The following DNAAF11 variants were observed in gnomAD, a reference collection of about 807,000 sequenced individuals.
The protein encoded by DNAAF11 is leucine rich repeat containing 6.
A neutral mutation model predicts 60.8 loss-of-function variants in DNAAF11; 45 were observed. The observed-to-expected ratio is 0.74, with a 90% CI of 0.58 to 0.95. DNAAF11 has a LOEUF of 0.95. Ranked by LOEUF, DNAAF11 falls within the 40% of genes least tolerant of loss-of-function variation. DNAAF11 has a pLI of 0.00. For synonymous variants in DNAAF11, 191 were observed against 183.5 expected, an observed-to-expected ratio of 1.04 and a Z score of -0.33; for missense variants, 546 against 546.2, an observed-to-expected ratio of 1.00 and a Z score of 0.00.
intron 10 of DNAAF11, among the ~76,000 whole-genome samples, chr8:132,603,862 G>A (rs957511104): frequency 2.0e-5 from 3 of 152,100 alleles, no homozygotes; most frequent in African/African-American, 7.2e-5. Context: ...CAAAGGCGGG[G>A]GCGGAGTGGG....
intron 11 of DNAAF11, among the ~76,000 whole-genome samples, chr8:132,573,261 A>T (rs1250551493): frequency 6.6e-6 from 1 of 152,188 alleles, no homozygotes; most frequent in Non-Finnish European, 1.5e-5. Flanking sequence ...TAATCAGTCA[A>T]ATTGTTTTGG....
chr8:132,692,918 G>A, the DNAAF11 span, among the ~76,000 whole-genome samples: 1 of 152,088 alleles, frequency 6.6e-6, no homozygotes, highest in African/African-American at 2.4e-5. Flanking sequence ...TTATAGCTCA[G>A]AACCAAAAAA....
intron 5 of DNAAF11, among the ~76,000 whole-genome samples, chr8:132,629,731 G>A (rs999282115): frequency 4.0e-5 from 6 of 151,890 alleles, no homozygotes; most frequent in Non-Finnish European, 8.8e-5. Context: ...AGAAGGAGAG[G>A]GACAGGAAAA....
Position 132,572,016 on chromosome 8 carries a change from G to A in DNAAF11, c.*290C>T, listed in dbSNP as rs1814241139. On this transcript the variant is annotated 3_prime_UTR_variant, in exon 12 of 12. Coordinates refer to ENST00000620350, the MANE Select transcript of DNAAF11 (RefSeq NM_012472.6). ...ATCTATGAATTAATACTTTGCATAA[G>A]TAGACAGTATTTATAATCAGTGTTT... The A allele has an allele frequency of 7.3e-6, 2 of 273,720 alleles. No homozygotes were observed. Among genetic ancestry groups the A allele is most frequent in the South Asian group, 1.6e-4 (1 of 6,264 alleles). 17.0% of individuals were successfully genotyped at this position (273,720 alleles called of 1,614,324 possible).
intron 3 of DNAAF11, among the ~76,000 whole-genome samples, chr8:132,656,486 G>A (rs1202897787): frequency 6.6e-6 from 1 of 151,692 alleles, no homozygotes; most frequent in Non-Finnish European, 1.5e-5. Flanking sequence ...TTTCTTTTTG[G>A]GGAGGACGGA....
chr8:132,611,416 A>G (rs1818659355), intron 8 of DNAAF11, 53 bp from the exon 9 acceptor site: 1 of 1,030,398 alleles, frequency 9.7e-7, no homozygotes, highest in Non-Finnish European at 1.5e-6. Flanking sequence ...TCAAGTTTGA[A>G]TAAGTGCAAA....
intron 1 of DNAAF11, among the ~76,000 whole-genome samples, chr8:132,674,157 GAGAAGGAGA>G (rs1825510083): frequency 9.9e-5 from 12 of 121,258 alleles, no homozygotes; most frequent in African/African-American, 1.6e-4. Context: ...AGAGGAGGAG[GAGAAGGAGA>G]AGGAGGAGGA....
intron 10 of DNAAF11, among the ~76,000 whole-genome samples, chr8:132,587,600 C>T (rs1386993253): frequency 1.3e-5 from 2 of 152,110 alleles, no homozygotes; most frequent in African/African-American, 4.8e-5. Flanking sequence ...TATCAAACAT[C>T]GTCTTATTCA....
At position 132,610,034 on chromosome 8, in the gene DNAAF11, C is replaced by G. The variant is rs75224452; in HGVS notation, c.1140+132G>C. The G allele has an allele frequency of 6.0e-3, 3,652 of 609,198 alleles. 134 individuals are homozygous for G. The East Asian group carries it at 0.078, about 13-fold the overall frequency. 37.7% of individuals were successfully genotyped at this position (609,198 alleles called of 1,614,324 possible). On this transcript the variant is annotated intron_variant, in intron 10 of 11. Coordinates refer to ENST00000620350, the MANE Select transcript of DNAAF11 (RefSeq NM_012472.6). ...ACAGACCGTTGTTCTCCTACCTCAG[C>G]TGCTGTGAGATTTCCTGGTGCTCCC... is the stretch of plus-strand genomic sequence containing the variant.
At chr8:132,641,748 T>C (rs908558089) in intron 3 of DNAAF11, among the ~76,000 whole-genome samples, 5 of 152,252 alleles carry the variant, frequency 3.3e-5, no homozygotes, top group Non-Finnish European at 1.5e-5. Flanking sequence ...CATTAAATTC[T>C]AGTAAGTATA....
intron 1 of DNAAF11, among the ~76,000 whole-genome samples, chr8:132,671,719 A>G (rs1825204347): frequency 6.6e-6 from 1 of 152,136 alleles, no homozygotes; most frequent in Non-Finnish European, 1.5e-5. Flanking sequence ...GAGAACACAC[A>G]TATACAAGCC....
At chr8:132,619,042 C>G (rs1028745125) in intron 7 of DNAAF11, among the ~76,000 whole-genome samples, 15 of 152,066 alleles carry the variant, frequency 9.9e-5, no homozygotes, top group Admixed American at 1.3e-4. Flanking sequence ...AGACTTGGAA[C>G]CAACCCAAAT....
chr8:132,631,682 C>T (rs560056912), intron 5 of DNAAF11, among the ~76,000 whole-genome samples: 1 of 152,218 alleles, frequency 6.6e-6, no homozygotes, highest in South Asian at 2.1e-4. Flanking sequence ...AAGGGGAAGT[C>T]TTTAAGGAGT....
chr8:132,622,525 G>C, intron 7 of DNAAF11, 86 bp downstream of exon 7: 1 of 997,532 alleles, frequency 1.0e-6, no homozygotes, highest in Non-Finnish European at 1.6e-6. Flanking sequence ...ATTCTTTGCA[G>C]AGCAAACCTG....
intron 1 of DNAAF11, among the ~76,000 whole-genome samples, chr8:132,672,534 T>C (rs960924491): frequency 9.9e-5 from 15 of 152,182 alleles, no homozygotes; most frequent in African/African-American, 3.1e-4. Flanking sequence ...ATCCCAGATA[T>C]ACCACTTACT....
chr8:132,632,787 ACTT>A lies in DNAAF11; in HGVS notation c.603_605del (p.Arg201del). ...ACCAACGTCCATCAAAGCCTGCGTT[ACTT>A]CTCTTGTCTTCATTTTTATCCTCTT... On this transcript the variant is annotated inframe_deletion, in exon 5 of 12. Transcript: ENST00000620350. 4.3e-6 allele frequency: 7 copies of A among 1,613,958 alleles called. No individual in the cohort carries two copies. Among genetic ancestry groups the A allele is most frequent in the Non-Finnish European group, 5.9e-6 (7 of 1,179,878 alleles).
At chr8:132,647,390 C>T (rs1822505706) in intron 3 of DNAAF11, among the ~76,000 whole-genome samples, 1 of 152,094 alleles carries the variant, frequency 6.6e-6, no homozygotes, top group Admixed American at 6.6e-5. Flanking sequence ...AAATTTACAG[C>T]ACTAAATGAC....
intron 10 of DNAAF11, among the ~76,000 whole-genome samples, chr8:132,608,071 TTTAATA>T (rs2129903061): frequency 6.6e-6 from 1 of 152,284 alleles, no homozygotes; most frequent in East Asian, 1.9e-4. Context: ...AATATACATT[TTTAATA>T]TTAAGTATAA....
At chr8:132,660,153 T>TG (rs368986872) in intron 2 of DNAAF11, among the ~76,000 whole-genome samples, 81 of 152,094 alleles carry the variant, frequency 5.3e-4, no homozygotes, top group African/African-American at 1.8e-3. Flanking sequence ...TTGGCTAGCC[T>TG]GGGGCACAAT....
Sources: allele counts gnomAD v4.1 joint callset (sites outside exome capture counted in the v4.1 genomes callset), GRCh38; gene constraint gnomAD v4.1.1; transcripts MANE v1.5; gene names NCBI Gene and HGNC (gene_info 2026-07-23, HGNC 2026-07-21).